SNRNP27: variants seen among roughly 807,000 people sequenced by gnomAD.
SNRNP27 encodes the protein U4/U6.U5 small nuclear ribonucleoprotein 27 kDa protein.
Under a neutral mutation model 25.1 loss-of-function variants are expected in SNRNP27, and 22 were observed. The ratio of observed to expected loss-of-function variants is 0.88; its 90% CI spans 0.63 to 1.25. The LOEUF (loss-of-function observed/expected upper bound fraction) is 1.25, where lower values mean the gene tolerates loss of function less well. Among genes scored for constraint, SNRNP27 ranks in the 50% most tolerant of loss-of-function variants. The probability of loss-of-function intolerance (pLI) is 0.00; values close to 1 mark genes in which losing one functional copy is unlikely to be tolerated. For synonymous variants in SNRNP27, 66 were observed against 64.9 expected (o/e 1.02, Z -0.08); for missense variants, 150 against 202.3 (o/e 0.74, Z 1.57).
chr2:69,901,412 C>A (rs1676696496), intron 4 of SNRNP27, among the ~76,000 whole-genome samples: 1 of 152,082 alleles, frequency 6.6e-6, no homozygotes, highest in African/African-American at 2.4e-5. Context: ...AAGACCTGAA[C>A]AAGAATTTGT....
chr2:69,896,675 G>T (rs1676607745), intron 3 of SNRNP27, 127 bp downstream of exon 3: 19 of 903,156 alleles, frequency 2.1e-5, no homozygotes, highest in Admixed American at 6.9e-5. Context: ...AGTTTTTTTT[G>T]GTTTTTTTTT....
In SNRNP27 at chr2:69,897,601, A is replaced by T. The variant is rs961777942; in HGVS notation, c.348+145A>T. On this transcript the variant is annotated intron_variant, in intron 4 of 5. Coordinates refer to ENST00000244227, the MANE Select transcript of SNRNP27 (RefSeq NM_006857.3). ...GGGCTTTGAGAATACAAAGGAGGAAACAGTGAACTGCCATTGGAATTCAGG... is the reference window on the plus strand; with the variant it reads ...GGGCTTTGAGAATACAAAGGAGGAATCAGTGAACTGCCATTGGAATTCAGG... 310 of 638,478 alleles carry T rather than the reference A, an allele frequency of 4.9e-4. 1 individual carries two copies. Among genetic ancestry groups the T allele is most frequent in the Non-Finnish European group, 6.8e-4 (249 of 365,648 alleles). The allele number at this position is 638,478 out of a possible 1,614,324, so 39.6% of individuals were successfully genotyped here.
Position 69,897,452 on chromosome 2 carries a change from C to T in SNRNP27, c.344C>T (p.Thr115Ile), listed in dbSNP as rs1676625046. 6.2e-7 allele frequency: 1 copy of T among 1,608,016 alleles called. No individual in the cohort carries two copies. Among genetic ancestry groups the T allele is most frequent in the African/African-American group, 1.3e-5 (1 of 74,786 alleles). ...ATGGGATTTGCCTCCTTTGACTCCA[C>T]AAAAGTAAGTAAAACGTGCAACATT... ...KLMGFASFDS[T>I]KGKKVDGSVN... The change falls in exon 4 of 6, where the codon ACA becomes ATA. Residue 115 changes from threonine (T) to isoleucine (I), a missense_variant. Thr to Ile is a moderately conservative substitution (Grantham distance 89, BLOSUM62 -1). This residue lies in a region of SNRNP27 where 142 missense variants were observed against 168.6 expected (regional missense o/e 0.84). Transcript: ENST00000244227.
chr2:69,899,282 A>T (rs1486041819), intron 4 of SNRNP27, among the ~76,000 whole-genome samples: 1 of 152,148 alleles, frequency 6.6e-6, no homozygotes, highest in Non-Finnish European at 1.5e-5. Context: ...ATCAGTTATA[A>T]CGTCAGCTCA....
Position 69,895,159 on chromosome 2 carries a change from C to G in SNRNP27, c.100C>G (p.Arg34Gly), listed in dbSNP as rs1489087754. The change falls in exon 2 of 6, where the codon CGG becomes GGG. Residue 34 changes from arginine (R) to glycine (G), a missense_variant. By Grantham distance (125) the Arg-to-Gly change is moderately radical. Transcript: ENST00000244227. ...CAGGCGCCGAGAAAGGTCCAGGTCTCGGGAGAGAGATCGGAGAAGGAGCCG... is the reference window on the plus strand; with the variant it reads ...CAGGCGCCGAGAAAGGTCCAGGTCTGGGGAGAGAGATCGGAGAAGGAGCCG... The part of the protein sequence containing the change: ...ERRRRERSRS[R>G]ERDRRRSRSR... 6.2e-7 allele frequency: 1 copy of G among 1,613,944 alleles called. No homozygotes were observed. Among genetic ancestry groups the G allele is most frequent in the Non-Finnish European group, 8.5e-7 (1 of 1,180,014 alleles).
chr2:69,897,928 T>A (rs1676632853), intron 4 of SNRNP27, among the ~76,000 whole-genome samples: 2 of 46,268 alleles, frequency 4.3e-5, no homozygotes, highest in African/African-American at 2.4e-4. Flanking sequence ...GAGGAAGTAG[T>A]GATTTTTAAA....
At chr2:69,896,355 C>T (rs750332046) in intron 2 of SNRNP27, 81 bp from the exon 3 acceptor site, 27 of 1,284,336 alleles carry the variant, frequency 2.1e-5, no homozygotes, top group Non-Finnish European at 3.0e-5. Context: ...TTCTGTGGAG[C>T]TCACCTCATG....
chr2:69,898,918 T>C (rs1676647225), intron 4 of SNRNP27, among the ~76,000 whole-genome samples: 1 of 152,224 alleles, frequency 6.6e-6, no homozygotes, highest in African/African-American at 2.4e-5. Flanking sequence ...TATTAAGATA[T>C]ATGTTGGGTG....
chr2:69,897,732 G>T, intron 4 of SNRNP27: 2 of 352,546 alleles, frequency 5.7e-6, no homozygotes, highest in South Asian at 3.3e-5. Context: ...AAGAGCTCAT[G>T]AAAATGCCAT....
intron 3 of SNRNP27, 41 bp downstream of exon 3, chr2:69,896,589 A>ACTG: frequency 6.6e-7 from 1 of 1,510,576 alleles, no homozygotes; most frequent in African/African-American, 1.4e-5. Flanking sequence ...AAGTACAGTG[A>ACTG]TGATAAAATT....
Position 69,897,411 on chromosome 2 carries a change from A to C in SNRNP27, c.303A>C (p.Ile101=). Residue 101 remains isoleucine, a synonymous_variant, in exon 4 of 6, where the codon ATA becomes ATC. Transcript: ENST00000244227. The stretch of plus-strand genomic sequence containing the variant: ...TAGAGGGCAAAACAGAGGAAGAAAT[A>C]GAAATGATGAAGTTAATGGGATTTG... ...EDLEGKTEEE[I]EMMKLMGFAS... is the part of the protein sequence containing the mutation. 22 of 1,613,574 alleles carry C rather than the reference A, an allele frequency of 1.4e-5. No homozygotes were observed. The highest frequency in any genetic ancestry group is 1.8e-5 in the Non-Finnish European group (21 of 1,179,828).
chr2:69,903,371 A>T, intron 5 of SNRNP27, 126 bp downstream of exon 5: 1 of 734,012 alleles, frequency 1.4e-6, no homozygotes, highest in Non-Finnish European at 2.4e-6. Context: ...TTTGAATGAA[A>T]TATTCATTGC....
chr2:69,902,792 T>C (rs1020092625), intron 4 of SNRNP27, among the ~76,000 whole-genome samples: 8 of 152,098 alleles, frequency 5.3e-5, no homozygotes, highest in Admixed American at 2.6e-4. Flanking sequence ...TTTCTTCTTC[T>C]GCTTTTCTTC....
At chr2:69,896,689 T>G in intron 3 of SNRNP27, 141 bp downstream of exon 3, 1 of 819,550 alleles carries the variant, frequency 1.2e-6, no homozygotes, top group South Asian at 2.0e-5. Context: ...TTTTTTTTTT[T>G]GAGATAGAGT....
intron 4 of SNRNP27, 69 bp downstream of exon 4, chr2:69,897,525 T>C: frequency 1.7e-6 from 2 of 1,198,112 alleles, no homozygotes; most frequent in South Asian, 2.5e-5. Flanking sequence ...CCATGTTCTT[T>C]TCCATTTATA....
chr2:69,897,292 G>A (rs1054906897), intron 3 of SNRNP27, 85 bp from the exon 4 acceptor site: 16 of 868,708 alleles, frequency 1.8e-5, no homozygotes, highest in Non-Finnish European at 2.6e-5. Context: ...GAGGTGGAAT[G>A]ACTATTAATC....
chr2:69,896,480 TGAAA>T lies in SNRNP27; in HGVS notation c.208_211del (p.Arg70GlufsTer23), dbSNP rs770487604. The T allele has an allele frequency of 6.2e-7, 1 of 1,610,988 alleles. No homozygotes were observed. On this transcript the variant is annotated frameshift_variant, in exon 3 of 6. Coordinates refer to ENST00000244227, the MANE Select transcript of SNRNP27 (RefSeq NM_006857.3). LOFTEE classifies it high-confidence loss of function. Reference sequence around the variant, plus strand: ...TCCACATCTCCTTCCCCTTCTCGACTGAAAGAAAGAAGAGATGAGGAAAAGAAAG... The same window carrying T: ...TCCACATCTCCTTCCCCTTCTCGACTGAAAGAAGAGATGAGGAAAAGAAAG...
chr2:69,897,236 C>T, intron 3 of SNRNP27, 141 bp from the exon 4 acceptor site: 1 of 582,260 alleles, frequency 1.7e-6, no homozygotes, highest in Non-Finnish European at 3.0e-6. Context: ...GGAATTTTTT[C>T]ATTAGACTCA....
intron 4 of SNRNP27, among the ~76,000 whole-genome samples, chr2:69,902,483 C>G (rs567121306): frequency 1.3e-5 from 2 of 152,210 alleles, no homozygotes; most frequent in East Asian, 3.9e-4. Context: ...GCTGCTGTTT[C>G]TGTTTCCTCT....
Sources: allele counts gnomAD v4.1 joint callset (sites outside exome capture counted in the v4.1 genomes callset), GRCh38; gene constraint gnomAD v4.1.1; regional missense constraint gnomAD v4.1.1; transcripts MANE v1.5; gene names NCBI Gene and HGNC (gene_info 2026-07-23, HGNC 2026-07-21).